Variants in ANKRD36 observed in about 807,000 individuals in gnomAD.
The protein encoded by ANKRD36 is ankyrin repeat domain-containing protein 36A.
A neutral mutation model predicts 278.1 loss-of-function variants in ANKRD36; 179 were observed. The observed-to-expected ratio is 0.64, with a 90% CI of 0.57 to 0.73. ANKRD36 has a LOEUF of 0.73. Ranked by LOEUF, ANKRD36 falls within the 30% of genes least tolerant of loss-of-function variation. The probability of loss-of-function intolerance (pLI) is 0.00; values close to 1 mark genes in which losing one functional copy is unlikely to be tolerated. For synonymous variants in ANKRD36, 320 were observed against 641.1 expected (o/e 0.50, Z 7.57); for missense variants, 1,159 against 1,956.7 (o/e 0.59, Z 7.69).
rs1025859157 is a variant in ANKRD36 at position 97,183,720 on chromosome 2, A to G, written c.1939+66A>G. 2.0e-6 allele frequency: 3 copies of G among 1,491,476 alleles called. No homozygotes were observed. The African/African-American group carries it at 4.2e-5, about 21-fold the overall frequency. The allele number at this position is 1,491,476 out of a possible 1,614,324, so 92.4% of individuals were successfully genotyped here. Reference sequence around the variant, plus strand: ...ACAGAAGAGAACGTCCCACCCCTGAATAGATCAGTGGGGTGTCATTGAAAA... The same window carrying G: ...ACAGAAGAGAACGTCCCACCCCTGAGTAGATCAGTGGGGTGTCATTGAAAA... On this transcript the variant is annotated intron_variant, in intron 28 of 75. Transcript: ENST00000420699.
At chr2:97,156,612 G>T (rs1453162447) in intron 15 of ANKRD36, among the ~76,000 whole-genome samples, 1 of 130,448 alleles carries the variant, frequency 7.7e-6, no homozygotes, top group African/African-American at 2.7e-5. Context: ...TCTTAATCCA[G>T]TCTATCATTG....
chr2:97,222,353 A>T (rs539455677), intron 66 of ANKRD36, among the ~76,000 whole-genome samples: 1 of 152,178 alleles, frequency 6.6e-6, no homozygotes, highest in South Asian at 2.1e-4. Flanking sequence ...TAGCAATGGG[A>T]TTGCTGGATC....
At chr2:97,140,909 TG>T (rs1166461131) in intron 6 of ANKRD36, among the ~76,000 whole-genome samples, 3 of 151,902 alleles carry the variant, frequency 2.0e-5, no homozygotes, top group South Asian at 4.2e-4. Flanking sequence ...TGAGGAGACT[TG>T]TGGGGAGTCA....
intron 38 of ANKRD36, among the ~76,000 whole-genome samples, chr2:97,193,440 A>T (rs1249808570): frequency 7.7e-6 from 1 of 129,172 alleles, no homozygotes; most frequent in African/African-American, 2.6e-5. Context: ...GCTTGTTGTA[A>T]CAACCCGTAG....
Position 97,204,675 on chromosome 2 carries a change from C to T in ANKRD36, c.3061+412C>T, listed in dbSNP as rs189935323. Among the ~76,000 whole-genome samples the T allele has an allele frequency of 4.6e-5, 7 of 151,688 alleles. No individual in the cohort carries two copies. In the East Asian group the frequency reaches 1.4e-3, roughly 30 times the overall value. ...ACAACCCGTAGACACTGTAGGAGAA[C>T]TAAGGAGACCCCTGGTGTAGCAACA... On this transcript the variant is annotated intron_variant, in intron 50 of 75. Transcript: ENST00000420699.
chr2:97,209,329 G>T (rs1394300534), intron 54 of ANKRD36, among the ~76,000 whole-genome samples: 5 of 146,568 alleles, frequency 3.4e-5, no homozygotes, highest in African/African-American at 5.3e-5. Flanking sequence ...GGATCATGTA[G>T]CACCTGTTTT....
chr2:97,137,105 T>C (rs1408654610), intron 6 of ANKRD36, among the ~76,000 whole-genome samples: 3 of 152,064 alleles, frequency 2.0e-5, no homozygotes, highest in Non-Finnish European at 2.9e-5. Flanking sequence ...CAAAGTCTTA[T>C]ACTTTTTTTC....
chr2:97,211,730 T>C lies in ANKRD36; in HGVS notation c.3458T>C (p.Ile1153Thr). Residue 1153 changes from isoleucine to threonine, a missense_variant, in exon 58 of 76, where the codon ATA becomes ACA. By Grantham distance (89) the Ile-to-Thr change is moderately conservative (BLOSUM62 -1). Coordinates refer to ENST00000420699, the MANE Select transcript of ANKRD36 (RefSeq NM_001354587.1). The stretch of plus-strand genomic sequence containing the variant: ...GCCACGGAAAAAAAGGATGAACAAA[T>C]ATCTGGGACAGGTAATTTTGCAAAC... ...NMATEKKDEQ[I>T]SGTVSCQKQP... 3 of 1,583,360 alleles carry C rather than the reference T, an allele frequency of 1.9e-6. No individual in the cohort carries two copies. The highest frequency in any genetic ancestry group is 2.3e-5 in the South Asian group (2 of 86,426).
rs144567749 is a variant in ANKRD36 at position 97,262,971 on chromosome 2, T to C, written c.*7-1358T>C. On this transcript the variant is annotated intron_variant, in intron 75 of 75. Transcript: ENST00000420699. ...TTACCTAGTCTCAGCTAATTTTTTA[T>C]AGCAACACAAAAATTTGTGTTTTTC... Among the ~76,000 whole-genome samples the C allele has an allele frequency of 4.0e-3, 579 of 144,460 alleles. 1 individual carries two copies. The highest frequency in any genetic ancestry group is 0.014 in the African/African-American group (557 of 41,022). 94.8% of individuals were successfully genotyped at this position (144,460 alleles called of 152,430 possible). A position where few individuals can be genotyped will look rare whatever the true frequency, so the allele number is the denominator to read the frequency against.
intron 18 of ANKRD36, 122 bp from the exon 19 acceptor site, chr2:97,164,161 C>T: frequency 6.7e-7 from 1 of 1,489,564 alleles, no homozygotes; most frequent in Non-Finnish European, 8.9e-7. Flanking sequence ...AACCCAAAGC[C>T]TAATGGGTAA....
rs530181495 is a variant in ANKRD36 at position 97,200,400 on chromosome 2, G to C, written c.2784+38G>C. 271 of 1,603,482 alleles carry C rather than the reference G, an allele frequency of 1.7e-4. 1 individual carries two copies. The highest frequency in any genetic ancestry group is 2.2e-4 in the Non-Finnish European group (258 of 1,178,496). ...TCATTCATATTGTGAGCTAGTAAAC[G>C]TATAGCCTATGAAACATACCTTATT... On this transcript the variant is annotated intron_variant, in intron 45 of 75. Transcript: ENST00000420699.
At chr2:97,202,984 AG>A (rs1015803294) in intron 48 of ANKRD36, among the ~76,000 whole-genome samples, 1 of 151,794 alleles carries the variant, frequency 6.6e-6, no homozygotes, top group African/African-American at 2.4e-5. Context: ...TGGCTGCTGC[AG>A]GAACTGCTGG....
intron 54 of ANKRD36, among the ~76,000 whole-genome samples, chr2:97,209,094 A>G (rs377253988): frequency 6.8e-6 from 1 of 146,620 alleles, no homozygotes; most frequent in East Asian, 2.0e-4. Context: ...TTATTACACT[A>G]CATGGGTGTG....
At chr2:97,116,695 G>A (rs1038394163) in intron 1 of ANKRD36, among the ~76,000 whole-genome samples, 4 of 151,968 alleles carry the variant, frequency 2.6e-5, no homozygotes, top group Non-Finnish European at 4.4e-5. Flanking sequence ...ACATAAATAG[G>A]TTTTTATTAT....
At chr2:97,134,768 A>G (rs1360453209) in intron 6 of ANKRD36, among the ~76,000 whole-genome samples, 1 of 151,922 alleles carries the variant, frequency 6.6e-6, no homozygotes, top group Admixed American at 6.6e-5. Context: ...TCCTTTATAT[A>G]TATTTTATAT....
intron 6 of ANKRD36, among the ~76,000 whole-genome samples, chr2:97,128,111 C>T (rs1370230334): frequency 3.3e-5 from 5 of 151,586 alleles, no homozygotes; most frequent in Non-Finnish European, 7.4e-5. Flanking sequence ...GACGTGTTCA[C>T]TGAATGGAGA....
chr2:97,214,834 A>G (rs1247872016), intron 60 of ANKRD36, among the ~76,000 whole-genome samples: 2 of 151,866 alleles, frequency 1.3e-5, no homozygotes, highest in Non-Finnish European at 2.9e-5. Flanking sequence ...GTGAAGTGTC[A>G]TTGTAATTGT....
At chr2:97,184,549 CT>C (rs1365819139) in intron 28 of ANKRD36, among the ~76,000 whole-genome samples, 1 of 151,602 alleles carries the variant, frequency 6.6e-6, no homozygotes, top group African/African-American at 2.4e-5. Flanking sequence ...GAATATTGGA[CT>C]GATATCCAAA....
chr2:97,220,767 T>C (rs1223130327), intron 66 of ANKRD36, among the ~76,000 whole-genome samples: 1 of 128,100 alleles, frequency 7.8e-6, no homozygotes, highest in African/African-American at 4.0e-5. Context: ...TTTTCTTTTT[T>C]TTTTTTAATT....
Sources: gnomAD v4.1 joint callset for allele counts (sites outside exome capture counted in the v4.1 genomes callset) on GRCh38, gnomAD v4.1.1 for gene constraint, MANE v1.5 for transcripts, NCBI Gene and HGNC (gene_info 2026-07-23, HGNC 2026-07-21) for gene names.